TRPM7: variants seen among roughly 807,000 people sequenced by gnomAD.
TRPM7 encodes LTRPC ion channel family member 7.
TRPM7 carries 134 observed loss-of-function variants against 229.7 expected under a neutral mutation model. The ratio of observed to expected loss-of-function variants is 0.58; its 90% CI spans 0.51 to 0.67. TRPM7 has a LOEUF of 0.67. Among genes scored for constraint, TRPM7 ranks in the 30% least tolerant of loss-of-function variants. The probability of loss-of-function intolerance (pLI) is 0.00; values close to 1 mark genes in which losing one functional copy is unlikely to be tolerated. For missense variants in TRPM7, 1,901 were observed against 2,210.0 expected, an observed-to-expected ratio of 0.86 and a Z score of 2.80; for synonymous variants, 699 against 715.2, an observed-to-expected ratio of 0.98 and a Z score of 0.36.
chr15:50,587,483 G>A (rs2059375728), intron 27 of TRPM7, among the ~76,000 whole-genome samples: 1 of 129,812 alleles, frequency 7.7e-6, no homozygotes, highest in Non-Finnish European at 1.6e-5. Flanking sequence ...CACAGCTACT[G>A]CTTTTCTGCT....
intron 37 of TRPM7, 54 bp from the exon 38 acceptor site, chr15:50,570,047 C>G: frequency 6.3e-7 from 1 of 1,588,618 alleles, no homozygotes; most frequent in East Asian, 2.2e-5. Flanking sequence ...GCAGTTTATA[C>G]AGGTACAAAT....
At chr15:50,570,942 G>A (rs577877581) in intron 36 of TRPM7, among the ~76,000 whole-genome samples, 1 of 151,960 alleles carries the variant, frequency 6.6e-6, no homozygotes, top group African/African-American at 2.4e-5. Context: ...ACATTTTCTT[G>A]CAAAACATTC....
chr15:50,597,089 T>C (rs541830691), intron 22 of TRPM7, among the ~76,000 whole-genome samples: 28 of 152,292 alleles, frequency 1.8e-4, no homozygotes, highest in African/African-American at 4.3e-4. Flanking sequence ...ATAAAGAATA[T>C]TGAGTTTATC....
At chr15:50,618,791 G>A (rs2060305996) in intron 13 of TRPM7, among the ~76,000 whole-genome samples, 1 of 151,712 alleles carries the variant, frequency 6.6e-6, no homozygotes, top group Admixed American at 6.6e-5. Flanking sequence ...CCCACCTTTT[G>A]TAAAGTCTCC....
chr15:50,615,223 C>A (rs1187096551), intron 13 of TRPM7, among the ~76,000 whole-genome samples: 1 of 148,720 alleles, frequency 6.7e-6, no homozygotes, highest in Non-Finnish European at 1.5e-5. Context: ...GCCAAATATT[C>A]CATTTTCATT....
At chr15:50,657,016 A>C (rs1165449481) in intron 3 of TRPM7, among the ~76,000 whole-genome samples, 1 of 152,184 alleles carries the variant, frequency 6.6e-6, no homozygotes, top group Non-Finnish European at 1.5e-5. Context: ...CTAAAAATGC[A>C]AACTGCTCTT....
intron 19 of TRPM7, among the ~76,000 whole-genome samples, chr15:50,608,320 C>A (rs933504444): frequency 1.3e-5 from 2 of 148,974 alleles, no homozygotes; most frequent in African/African-American, 5.0e-5. Flanking sequence ...CACTTATTGA[C>A]CCTTGAAAAA....
chr15:50,594,605 T>C lies in TRPM7; in HGVS notation c.3299A>G (p.Tyr1100Cys). 6.3e-7 allele frequency: 1 copy of C among 1,584,598 alleles called. No individual in the cohort carries two copies. The change falls in exon 24 of 39, where the codon TAT becomes TGT. Residue 1100 changes from tyrosine (Y) to cysteine (C), a missense_variant. Physicochemically the swap from Tyr to Cys is radical, Grantham distance 194 (BLOSUM62 -2). Coordinates refer to ENST00000646667, the MANE Select transcript of TRPM7 (RefSeq NM_017672.6). ...NLLIAFFNNV[Y>C]LQVKAISNIV... is the part of the protein sequence containing the mutation. ...ATTGGAAATTGCCTTCACTTGTAAA[T>C]ACACATTGCTAGAGAAATAATGAAT...
chr15:50,628,424 T>C (rs1383333805), intron 10 of TRPM7, among the ~76,000 whole-genome samples, 175 bp from the exon 11 acceptor site: 1 of 152,014 alleles, frequency 6.6e-6, no homozygotes. Flanking sequence ...CCTCCCGCCT[T>C]AGCCTCCAAG....
intron 2 of TRPM7, 29 bp downstream of exon 2, chr15:50,662,938 G>A: frequency 6.7e-7 from 1 of 1,498,502 alleles, no homozygotes; most frequent in Non-Finnish European, 9.2e-7. Flanking sequence ...ATTTCTAGAA[G>A]ACCCCAGAAG....
Position 50,596,156 on chromosome 15 carries a change from A to G in TRPM7, c.3290+99T>C, listed in dbSNP as rs1313226841. ...ATATAATTTTAGTAGTTTAAGCCTC[A>G]ATAAAATTTTTAGATTTTAAGTTCT... On this transcript the variant is annotated intron_variant, in intron 23 of 38. Coordinates refer to ENST00000646667, the MANE Select transcript of TRPM7 (RefSeq NM_017672.6). 3 of 795,374 alleles carry G rather than the reference A, an allele frequency of 3.8e-6. No homozygotes were observed. The African/African-American group carries it at 5.4e-5, about 14-fold the overall frequency. The allele number at this position is 795,374 out of a possible 1,614,324, so 49.3% of individuals were successfully genotyped here.
chr15:50,575,887 T>C lies in TRPM7; in HGVS notation c.4651A>G (p.Thr1551Ala). ...LTSPFKPAMDTNYYYSAVERN... is the reference protein window; with the variant it reads ...LTSPFKPAMDANYYYSAVERN... ...TACTGACCTGAATAATAGTAATTTGTATCCATAGCTGGCTTAAATGGAGAA... is the reference window on the plus strand; with the variant it reads ...TACTGACCTGAATAATAGTAATTTGCATCCATAGCTGGCTTAAATGGAGAA... The change falls in exon 32 of 39, where the codon ACA becomes GCA. Residue 1551 changes from threonine to alanine, a missense_variant. Physicochemically the swap from Thr to Ala is moderately conservative, Grantham distance 58. This residue lies in a region of TRPM7 where 533 missense variants were observed against 497.1 expected (regional missense o/e 1.07). Coordinates refer to ENST00000646667, the MANE Select transcript of TRPM7 (RefSeq NM_017672.6). The C allele has an allele frequency of 6.2e-7, 1 of 1,613,464 alleles. No individual in the cohort carries two copies. The highest frequency in any genetic ancestry group is 1.3e-5 in the African/African-American group (1 of 75,022).
At chr15:50,591,251 TG>T (rs1447192191) in intron 26 of TRPM7, among the ~76,000 whole-genome samples, 4 of 152,178 alleles carry the variant, frequency 2.6e-5, no homozygotes, top group Non-Finnish European at 5.9e-5. Context: ...TGTCTTGGTT[TG>T]GGTAAAAAAA....
At chr15:50,665,793 A>G (rs1282825002) in intron 1 of TRPM7, among the ~76,000 whole-genome samples, 1 of 151,982 alleles carries the variant, frequency 6.6e-6, no homozygotes, top group Non-Finnish European at 1.5e-5. Flanking sequence ...TCAGGAGCTC[A>G]AGACCAGCCT....
intron 28 of TRPM7, among the ~76,000 whole-genome samples, chr15:50,585,558 AG>A (rs1371144180): frequency 6.6e-6 from 1 of 152,238 alleles, no homozygotes; most frequent in African/African-American, 2.4e-5. Flanking sequence ...TCAGCTGTTA[AG>A]ATGATCTCAT....
At chr15:50,632,761 A>T in intron 9 of TRPM7, 108 bp downstream of exon 9, 1 of 1,076,648 alleles carries the variant, frequency 9.3e-7, no homozygotes, top group East Asian at 2.8e-5. Flanking sequence ...AAGATTTCAA[A>T]GTTTAAAATC....
chr15:50,561,585 C>T lies in TRPM7; in HGVS notation c.*93G>A. 6.7e-7 allele frequency: 1 copy of T among 1,491,156 alleles called. No individual in the cohort carries two copies. The highest frequency in any genetic ancestry group is 9.2e-7 in the Non-Finnish European group (1 of 1,089,698). The allele number at this position is 1,491,156 out of a possible 1,614,324, so 92.4% of individuals were successfully genotyped here. A position where few individuals can be genotyped will look rare whatever the true frequency, so the allele number is the denominator to read the frequency against. ...GCAAATTCAACTTGCATACACCTTT[C>T]TATATTACCAAACAATTTCCTCCCG... On this transcript the variant is annotated 3_prime_UTR_variant, in exon 39 of 39. Coordinates refer to ENST00000646667, the MANE Select transcript of TRPM7 (RefSeq NM_017672.6).
chr15:50,649,514 C>T (rs1423298098), intron 3 of TRPM7, among the ~76,000 whole-genome samples: 1 of 151,152 alleles, frequency 6.6e-6, no homozygotes, highest in African/African-American at 2.4e-5. Context: ...ACTAATAATA[C>T]TACAGAATGG....
intron 1 of TRPM7, among the ~76,000 whole-genome samples, chr15:50,666,528 G>A (rs1045916178): frequency 1.3e-5 from 2 of 152,034 alleles, no homozygotes; most frequent in Non-Finnish European, 1.5e-5. Context: ...AAGAGGCCGG[G>A]TGCAGTGGCT....
Sources: gnomAD v4.1 joint callset for allele counts (sites outside exome capture counted in the v4.1 genomes callset) on GRCh38, gnomAD v4.1.1 for gene constraint, gnomAD v4.1.1 regional missense constraint, MANE v1.5 for transcripts, NCBI Gene and HGNC (gene_info 2026-07-23, HGNC 2026-07-21) for gene names.